Variants in PLXDC2 observed in about 807,000 individuals in gnomAD.
The protein encoded by PLXDC2 is plexin domain-containing protein 2.
A neutral mutation model predicts 68.9 loss-of-function variants in PLXDC2; 40 were observed. That is an observed-to-expected ratio of 0.58 (90% CI 0.45 to 0.76). The LOEUF is 0.76. Ranked by LOEUF, PLXDC2 falls within the 30% of genes least tolerant of loss-of-function variation. The pLI, the probability that PLXDC2 is intolerant of heterozygous loss-of-function variation, is 0.00. For synonymous variants in PLXDC2, 243 were observed against 234.2 expected, an observed-to-expected ratio of 1.04 and a Z score of -0.34; for missense variants, 644 against 661.9, an observed-to-expected ratio of 0.97 and a Z score of 0.30.
intron 1 of PLXDC2, among the ~76,000 whole-genome samples, chr10:19,925,271 T>G (rs76090559): frequency 0.047 from 7,189 of 152,214 alleles, 182 homozygotes; most frequent in Non-Finnish European, 0.056. Context: ...AGTGAATTTA[T>G]CACCTGGCAT....
intron 12 of PLXDC2, among the ~76,000 whole-genome samples, chr10:20,241,945 C>T (rs977972107): frequency 6.6e-6 from 1 of 151,372 alleles, no homozygotes; most frequent in African/African-American, 2.4e-5. Flanking sequence ...TAGATGGATG[C>T]ATGGATGGAT....
chr10:19,937,564 A>ATATATATATATATT (rs1554846756), intron 1 of PLXDC2, among the ~76,000 whole-genome samples: 1,807 of 140,472 alleles, frequency 0.013, 74 homozygotes, highest in African/African-American at 0.047. Context: ...ATATATATAT[A>ATATATATATATATT]TATATATATA....
intron 1 of PLXDC2, among the ~76,000 whole-genome samples, chr10:19,935,831 G>T (rs1027335833): frequency 1.3e-4 from 20 of 152,152 alleles, no homozygotes; most frequent in African/African-American, 3.6e-4. Context: ...AACTTTGCCG[G>T]CAGACTAAAG....
intron 12 of PLXDC2, among the ~76,000 whole-genome samples, chr10:20,236,879 G>A (rs1007117589): frequency 1.3e-5 from 2 of 151,874 alleles, no homozygotes; most frequent in Admixed American, 6.6e-5. Context: ...CCTATCATTT[G>A]GTGATTGTTA....
intron 6 of PLXDC2, among the ~76,000 whole-genome samples, chr10:20,149,497 C>T (rs752586891): frequency 6.6e-6 from 1 of 151,998 alleles, no homozygotes. Flanking sequence ...CCTCGGCCTC[C>T]CAAAGTGCTG....
At chr10:20,154,001 A>G (rs973850570) in intron 6 of PLXDC2, among the ~76,000 whole-genome samples, 6 of 152,058 alleles carry the variant, frequency 3.9e-5, no homozygotes, top group Non-Finnish European at 8.8e-5. Flanking sequence ...TATCCACAGC[A>G]TTTATCTTAT....
rs1340073069 is a variant in PLXDC2 at position 19,816,780 on chromosome 10, C to A, written c.-300C>A. On this transcript the variant is annotated 5_prime_UTR_variant, in exon 1 of 14. Transcript: ENST00000377252. ...CTGCCCGAGTGGAACCGACAGTTTG[C>A]GAGCCTCGGCTGCAAGTGGCCTCTC... The A allele has an allele frequency of 4.2e-6, 2 of 477,742 alleles. No homozygotes were observed. Among genetic ancestry groups the A allele is most frequent in the Non-Finnish European group, 3.8e-6 (1 of 266,534 alleles). The allele number at this position is 477,742 out of a possible 1,614,324, so 29.6% of individuals were successfully genotyped here. A position where few individuals can be genotyped will look rare whatever the true frequency, so the allele number is the denominator to read the frequency against.
chr10:20,025,923 T>C (rs1159841821), intron 2 of PLXDC2, among the ~76,000 whole-genome samples: 2 of 145,900 alleles, frequency 1.4e-5, no homozygotes, highest in Non-Finnish European at 3.0e-5. Context: ...TGCTGACAAT[T>C]CTAAGCAATT....
intron 13 of PLXDC2, among the ~76,000 whole-genome samples, chr10:20,278,266 G>T (rs1836034763): frequency 6.6e-6 from 1 of 152,170 alleles, no homozygotes; most frequent in Non-Finnish European, 1.5e-5. Flanking sequence ...CAGGGAAGCT[G>T]TAGCTTTGGA....
At chr10:20,040,488 C>T (rs1835664392) in intron 2 of PLXDC2, among the ~76,000 whole-genome samples, 2 of 152,168 alleles carry the variant, frequency 1.3e-5, no homozygotes, top group Admixed American at 1.3e-4. Context: ...CATGACTCCT[C>T]CTGTAGCTTA....
intron 4 of PLXDC2, among the ~76,000 whole-genome samples, chr10:20,134,936 G>C (rs1246227121): frequency 6.6e-6 from 1 of 152,096 alleles, no homozygotes; most frequent in Non-Finnish European, 1.5e-5. Context: ...TCACCTGGAG[G>C]GTATATTTCT....
rs374028109 is a variant in PLXDC2 at position 19,992,698 on chromosome 10, AAC to A, written c.113-9075_113-9074del. Among the ~76,000 whole-genome samples the A allele has an allele frequency of 7.1e-4, 108 of 152,328 alleles. 2 individuals are homozygous for A. The East Asian group carries it at 0.021, about 29-fold the overall frequency. ...CCAAATATTTCAAGATATAATAGAA[AAC>A]AACAACCAATATTACTGTAGTATTA... is the stretch of plus-strand genomic sequence containing the variant. On this transcript the variant is annotated intron_variant, in intron 1 of 13. Transcript: ENST00000377252.
intron 3 of PLXDC2, among the ~76,000 whole-genome samples, chr10:20,053,409 C>A (rs186582619): frequency 6.6e-6 from 1 of 152,068 alleles, no homozygotes. Context: ...AGGTAAGCAA[C>A]GAGGCAGGCA....
chr10:20,079,257 C>T (rs1836509200), intron 4 of PLXDC2, among the ~76,000 whole-genome samples: 2 of 152,052 alleles, frequency 1.3e-5, no homozygotes, highest in Admixed American at 6.6e-5. Flanking sequence ...TGAAAAAAAG[C>T]TCATCATCAC....
intron 12 of PLXDC2, among the ~76,000 whole-genome samples, chr10:20,234,380 G>A (rs368282390): frequency 1.5e-4 from 23 of 152,184 alleles, no homozygotes; most frequent in African/African-American, 4.8e-4. Flanking sequence ...TTGGTGCTGC[G>A]GTAGCTAAGG....
At chr10:19,838,672 G>A (rs1481098205) in intron 1 of PLXDC2, among the ~76,000 whole-genome samples, 2 of 152,184 alleles carry the variant, frequency 1.3e-5, no homozygotes, top group Non-Finnish European at 2.9e-5. Flanking sequence ...TGTTCAAACA[G>A]TTCCATCTGA....
intron 6 of PLXDC2, among the ~76,000 whole-genome samples, chr10:20,159,430 A>G (rs942144430): frequency 2.0e-5 from 3 of 152,064 alleles, no homozygotes; most frequent in Non-Finnish European, 2.9e-5. Flanking sequence ...TGCCTCTGTC[A>G]CTTACACCAC....
intron 6 of PLXDC2, among the ~76,000 whole-genome samples, chr10:20,162,074 A>G (rs1405936799): frequency 1.1e-4 from 7 of 61,652 alleles, no homozygotes; most frequent in African/African-American, 3.5e-4. Context: ...GAGAGAGAGA[A>G]GGAAGGAAGG....
intron 7 of PLXDC2, among the ~76,000 whole-genome samples, chr10:20,175,649 C>A (rs1834516907): frequency 6.6e-6 from 1 of 152,112 alleles, no homozygotes; most frequent in Non-Finnish European, 1.5e-5. Context: ...GGCAACATAA[C>A]CAGACCCCAT....
Sources: gnomAD v4.1 joint callset for allele counts (sites outside exome capture counted in the v4.1 genomes callset) on GRCh38, gnomAD v4.1.1 for gene constraint, MANE v1.5 for transcripts, NCBI Gene and HGNC (gene_info 2026-07-23, HGNC 2026-07-21) for gene names.